Variants in KALRN observed in about 807,000 individuals in gnomAD.
The protein encoded by KALRN is kalirin RhoGEF kinase.
KALRN carries 70 observed loss-of-function variants against 353.7 expected under a neutral mutation model. The observed-to-expected ratio is 0.20, with a 90% CI of 0.16 to 0.24. The LOEUF (loss-of-function observed/expected upper bound fraction) is 0.24. Among genes scored for constraint, KALRN ranks in the 10% least tolerant of loss-of-function variants. The pLI is 1.00. For missense variants in KALRN, 2,791 were observed against 3,756.7 expected (o/e 0.74, Z 6.72); for synonymous variants, 1,391 against 1,434.8 (o/e 0.97, Z 0.69).
At position 124,609,987 on chromosome 3, in the gene KALRN, C is replaced by T. The variant is rs1221232293; in HGVS notation, c.5183-22433C>T. On this transcript the variant is annotated intron_variant, in intron 34 of 59. Transcript: ENST00000682506. ...CAGGCATCTTGGCTTCCTTTTTATTCATTTAATATTTAGAACATATTTACT... is the reference window on the plus strand; with the variant it reads ...CAGGCATCTTGGCTTCCTTTTTATTTATTTAATATTTAGAACATATTTACT... Among the ~76,000 whole-genome samples the T allele has an allele frequency of 3.3e-5, 5 of 152,266 alleles. No homozygotes were observed. In the East Asian group the frequency reaches 9.6e-4, roughly 29 times the overall value.
At chr3:124,688,084 G>GGAGGATTACTTGAGGCC (rs1186672641) in intron 51 of KALRN, among the ~76,000 whole-genome samples, 2 of 152,098 alleles carry the variant, frequency 1.3e-5, no homozygotes, top group African/African-American at 4.8e-5. Context: ...GGCACAGGTG[G>GGAGGATTACTTGAGGCC]GAGGATTACT....
chr3:124,708,655 C>A (rs1464850525), intron 57 of KALRN, among the ~76,000 whole-genome samples: 1 of 151,930 alleles, frequency 6.6e-6, no homozygotes, highest in Non-Finnish European at 1.5e-5. Context: ...AAAGGTCTGA[C>A]ATTCATGTCA....
intron 1 of KALRN, among the ~76,000 whole-genome samples, chr3:124,082,007 A>G (rs986029040): frequency 1.3e-5 from 2 of 152,230 alleles, no homozygotes; most frequent in Non-Finnish European, 2.9e-5. Flanking sequence ...TATCTAGCTT[A>G]GAAATTTGTT....
chr3:124,070,030 C>A (rs1445799564), intron 1 of KALRN, among the ~76,000 whole-genome samples: 1 of 151,772 alleles, frequency 6.6e-6, no homozygotes, highest in Non-Finnish European at 1.5e-5. Context: ...AAATGTACCA[C>A]AACAAGATAA....
intron 34 of KALRN, among the ~76,000 whole-genome samples, chr3:124,631,318 C>T (rs1214037027): frequency 6.6e-6 from 1 of 152,206 alleles, no homozygotes; most frequent in Non-Finnish European, 1.5e-5. Context: ...AGCACTTTCT[C>T]CCCTGAGCTC....
At chr3:124,424,323 C>T (rs569774749) in intron 15 of KALRN, among the ~76,000 whole-genome samples, 35 of 152,260 alleles carry the variant, frequency 2.3e-4, no homozygotes, top group Non-Finnish European at 4.3e-4. Flanking sequence ...AAAACCATAG[C>T]TCAGCATGCT....
chr3:124,439,198 T>TCACACACA (rs1220555173), intron 18 of KALRN, among the ~76,000 whole-genome samples, 161 bp downstream of exon 18: 12 of 125,456 alleles, frequency 9.6e-5, no homozygotes, highest in African/African-American at 3.9e-4. Context: ...TCTCTCTCTC[T>TCACACACA]CTCACACACA....
intron 1 of KALRN, among the ~76,000 whole-genome samples, chr3:124,069,647 A>G (rs1274488040): frequency 1.3e-5 from 2 of 152,160 alleles, no homozygotes; most frequent in African/African-American, 4.8e-5. Context: ...GGAACCATTG[A>G]GTGTTTTTGA....
At position 124,208,956 on chromosome 3, in the gene KALRN, A is replaced by G. The variant is rs189467228; in HGVS notation, c.74-19034A>G. On this transcript the variant is annotated intron_variant, in intron 1 of 59. Coordinates refer to ENST00000682506, the MANE Select transcript of KALRN (RefSeq NM_001388419.1). ...ACTCCAGCCTGGGTGACAGAGTGAG[A>G]CTCTGTCTCAATAATAATAATAATA... is the stretch of plus-strand genomic sequence containing the variant. Among the ~76,000 whole-genome samples the G allele has an allele frequency of 2.5e-3, 373 of 151,700 alleles. 4 individuals carry two copies. Among genetic ancestry groups the G allele is most frequent in the African/African-American group, 8.1e-3 (333 of 41,298 alleles).
intron 49 of KALRN, among the ~76,000 whole-genome samples, chr3:124,676,426 T>C (rs1411564097): frequency 2.6e-5 from 4 of 152,130 alleles, no homozygotes; most frequent in African/African-American, 9.7e-5. Context: ...GCCTACAGGA[T>C]AAACGTCACT....
chr3:124,713,153 C>A lies in KALRN; in HGVS notation c.8276+18C>A. 1 of 1,598,606 alleles carries A rather than the reference C, an allele frequency of 6.3e-7. No individual in the cohort carries two copies. The highest frequency in any genetic ancestry group is 1.1e-5 in the South Asian group (1 of 88,702). On this transcript the variant is annotated intron_variant, in intron 58 of 59. Coordinates refer to ENST00000682506, the MANE Select transcript of KALRN (RefSeq NM_001388419.1). The stretch of plus-strand genomic sequence containing the variant: ...TTGGAACTGTAAGTACAGACGCCAT[C>A]TCTCTAAAGTCGCCTGCATCCATTT...
At chr3:124,343,315 G>T (rs714379) in intron 9 of KALRN, among the ~76,000 whole-genome samples, 7 of 151,846 alleles carry the variant, frequency 4.6e-5, no homozygotes, top group African/African-American at 1.7e-4. Context: ...GCACCACCAC[G>T]CCTGGCAATT....
chr3:124,574,953 C>T (rs2073941745), intron 34 of KALRN, among the ~76,000 whole-genome samples: 1 of 152,232 alleles, frequency 6.6e-6, no homozygotes, highest in South Asian at 2.1e-4. Flanking sequence ...CTCACCGCCA[C>T]ACTGCCTTCC....
intron 1 of KALRN, among the ~76,000 whole-genome samples, chr3:124,044,855 CTCCCTCCTTCCTTCCTTCCTTCCTTCCT>C (rs2040308203): frequency 7.8e-5 from 4 of 51,596 alleles, no homozygotes; most frequent in Non-Finnish European, 8.3e-5. Flanking sequence ...CCCTCCCTCC[CTCCCTCCTTCCTTCCTTCCTTCCTTCCT>C]TCCTTCCTTC....
chr3:124,572,646 G>A lies in KALRN; in HGVS notation c.5182+9557G>A, dbSNP rs372958864. On this transcript the variant is annotated intron_variant, in intron 34 of 59. Coordinates refer to ENST00000682506, the MANE Select transcript of KALRN (RefSeq NM_001388419.1). ...TGCTGGGAGGCTCAAGGGTAGAAAT[G>A]TTAAGTAAAAGTGATTTTTAAACTG... 2.0e-5 allele frequency among the ~76,000 whole-genome samples: 3 copies of A among 152,192 alleles called. No homozygotes were observed. In the East Asian group the frequency reaches 5.8e-4, roughly 29 times the overall value.
At chr3:124,644,439 C>T (rs914800252) in intron 37 of KALRN, among the ~76,000 whole-genome samples, 4 of 152,100 alleles carry the variant, frequency 2.6e-5, no homozygotes, top group Non-Finnish European at 5.9e-5. Context: ...AACCCATCAT[C>T]TACATTAGGT....
chr3:124,229,288 G>C (rs1368701364), intron 2 of KALRN, among the ~76,000 whole-genome samples: 1 of 152,248 alleles, frequency 6.6e-6, no homozygotes, highest in Admixed American at 6.5e-5. Context: ...CCCTAAGGCA[G>C]TTGTTCTCAA....
intron 1 of KALRN, among the ~76,000 whole-genome samples, chr3:124,104,874 G>C (rs2062154731): frequency 6.6e-6 from 1 of 152,090 alleles, no homozygotes; most frequent in Non-Finnish European, 1.5e-5. Flanking sequence ...GAGAAGGTGG[G>C]GCCAAACATT....
intron 29 of KALRN, among the ~76,000 whole-genome samples, chr3:124,489,272 A>G (rs2062884459): frequency 6.6e-6 from 1 of 152,124 alleles, no homozygotes; most frequent in Non-Finnish European, 1.5e-5. Context: ...GCACCACTGC[A>G]CTCCAGCCTG....
Sources: gnomAD v4.1 joint callset for allele counts (sites outside exome capture counted in the v4.1 genomes callset) on GRCh38, gnomAD v4.1.1 for gene constraint, MANE v1.5 for transcripts, NCBI Gene and HGNC (gene_info 2026-07-23, HGNC 2026-07-21) for gene names.